Variants in TTC28 observed in about 807,000 individuals in gnomAD.
TTC28 encodes tetratricopeptide repeat domain 28, also known as tetratricopeptide repeat protein 28.
TTC28 carries 61 observed loss-of-function variants against 198.0 expected under a neutral mutation model. The observed-to-expected ratio is 0.31, with a 90% confidence interval of 0.25 to 0.38. The LOEUF is 0.38. Ranked by LOEUF, TTC28 falls within the 10% of genes least tolerant of loss-of-function variation. The pLI, the probability that TTC28 is intolerant of heterozygous loss-of-function variation, is 1.00. For missense variants in TTC28, 2,678 were observed against 3,164.0 expected, an observed-to-expected ratio of 0.85 and a Z score of 3.69; for synonymous variants, 1,171 against 1,297.8, an observed-to-expected ratio of 0.90 and a Z score of 2.10.
At chr22:28,134,103 C>T (rs1465576625) in intron 6 of TTC28, among the ~76,000 whole-genome samples, 1 of 152,238 alleles carries the variant, frequency 6.6e-6, no homozygotes, top group Non-Finnish European at 1.5e-5. Context: ...CAAACAGGGT[C>T]TGGAGTGGAC....
chr22:28,294,980 T>G (rs767927856), intron 5 of TTC28, among the ~76,000 whole-genome samples: 1 of 152,232 alleles, frequency 6.6e-6, no homozygotes, highest in Non-Finnish European at 1.5e-5. Context: ...TTAGTATATC[T>G]GTCTCTAGGA....
chr22:28,596,806 C>T (rs2050550453), intron 2 of TTC28, among the ~76,000 whole-genome samples: 1 of 152,136 alleles, frequency 6.6e-6, no homozygotes, highest in South Asian at 2.1e-4. Context: ...GAGTGCCAGA[C>T]AGACATCTGG....
At chr22:28,587,130 G>A (rs2050333160) in intron 2 of TTC28, among the ~76,000 whole-genome samples, 1 of 152,142 alleles carries the variant, frequency 6.6e-6, no homozygotes, top group Non-Finnish European at 1.5e-5. Context: ...GCCGAGGCAG[G>A]TGGATCATTT....
At chr22:28,015,732 G>GCTTTACAC (rs1938344324) in intron 13 of TTC28, among the ~76,000 whole-genome samples, 1 of 151,868 alleles carries the variant, frequency 6.6e-6, no homozygotes. Context: ...CACCATCAGT[G>GCTTTACAC]ATCTCTTAAC....
At chr22:28,334,401 G>C (rs1368809358) in intron 2 of TTC28, among the ~76,000 whole-genome samples, 1 of 152,106 alleles carries the variant, frequency 6.6e-6, no homozygotes, top group African/African-American at 2.4e-5. Flanking sequence ...GGTATTTCTA[G>C]TTCTAGATCC....
intron 5 of TTC28, among the ~76,000 whole-genome samples, chr22:28,267,818 T>C (rs2147317198): frequency 6.6e-6 from 1 of 152,288 alleles, no homozygotes; most frequent in South Asian, 2.1e-4. Flanking sequence ...TTTGCTCAAG[T>C]GTTCAGTAAT....
chr22:28,251,803 A>G (rs911289309), intron 5 of TTC28, among the ~76,000 whole-genome samples: 2 of 152,190 alleles, frequency 1.3e-5, no homozygotes, highest in African/African-American at 4.8e-5. Context: ...CTCTCCATTA[A>G]AAAGGATCCT....
At chr22:28,441,887 T>TAA (rs979638590) in intron 2 of TTC28, among the ~76,000 whole-genome samples, 7,274 of 119,010 alleles carry the variant, frequency 0.061, 314 homozygotes, top group African/African-American at 0.13. Context: ...ATTTGAAGTT[T>TAA]AAAAAAAAAA....
intron 13 of TTC28, among the ~76,000 whole-genome samples, chr22:28,025,713 T>A (rs561167405): frequency 4.6e-5 from 7 of 152,048 alleles, no homozygotes; most frequent in Admixed American, 2.0e-4. Context: ...AAAAATAATT[T>A]AAAAAAATTA....
At chr22:28,062,601 T>C (rs1239584637) in intron 12 of TTC28, among the ~76,000 whole-genome samples, 1 of 152,070 alleles carries the variant, frequency 6.6e-6, no homozygotes, top group Admixed American at 6.5e-5. Context: ...CCCAAGAAGC[T>C]GAGAATGCAG....
chr22:28,105,571 G>GC lies in TTC28; in HGVS notation c.3014dup (p.Val1006ArgfsTer9), dbSNP rs1942270896. On this transcript the variant is annotated frameshift_variant, in exon 8 of 23. Coordinates refer to ENST00000397906, the MANE Select transcript of TTC28 (RefSeq NM_001145418.2). LOFTEE classifies it high-confidence loss of function. ...CATACTCCCCCATCTGCTGGTAAAC[G>GC]CCCCCCAGGCCACAGGCTGCGTCAC... 1.3e-6 allele frequency: 2 copies of GC among 1,551,662 alleles called. No individual in the cohort carries two copies. Among genetic ancestry groups the GC allele is most frequent in the Non-Finnish European group, 8.7e-7 (1 of 1,147,006 alleles).
chr22:28,415,110 C>G (rs940573721), intron 2 of TTC28, among the ~76,000 whole-genome samples: 13 of 152,006 alleles, frequency 8.6e-5, no homozygotes, highest in Admixed American at 2.0e-4. Flanking sequence ...GAAAGTGGCT[C>G]TGAGATCACA....
At chr22:28,060,623 G>A (rs1377749302) in intron 12 of TTC28, among the ~76,000 whole-genome samples, 1 of 152,196 alleles carries the variant, frequency 6.6e-6, no homozygotes, top group Non-Finnish European at 1.5e-5. Flanking sequence ...GTAATGGGAT[G>A]GCTGGGTCAA....
intron 5 of TTC28, among the ~76,000 whole-genome samples, chr22:28,247,320 G>A (rs982865508): frequency 6.6e-6 from 1 of 152,172 alleles, no homozygotes; most frequent in African/African-American, 2.4e-5. Flanking sequence ...CTCATGGTGT[G>A]GGTGTGTAAG....
chr22:28,494,275 C>G (rs1336366202), intron 2 of TTC28, among the ~76,000 whole-genome samples: 1 of 152,176 alleles, frequency 6.6e-6, no homozygotes, highest in Admixed American at 6.5e-5. Context: ...CAAGGATCAT[C>G]TGACATTTGA....
intron 5 of TTC28, among the ~76,000 whole-genome samples, chr22:28,193,881 G>A (rs1373159233): frequency 6.6e-6 from 1 of 152,096 alleles, no homozygotes; most frequent in Non-Finnish European, 1.5e-5. Context: ...ACATCAACGA[G>A]ACAGAAAGTT....
intron 5 of TTC28, among the ~76,000 whole-genome samples, chr22:28,167,712 T>C (rs1175667355): frequency 1.3e-5 from 2 of 152,228 alleles, no homozygotes; most frequent in African/African-American, 4.8e-5. Flanking sequence ...ACAGCCAATA[T>C]CATACTGAAT....
chr22:28,273,555 T>G (rs1378660092), intron 5 of TTC28, among the ~76,000 whole-genome samples: 1 of 151,190 alleles, frequency 6.6e-6, no homozygotes, highest in Non-Finnish European at 1.5e-5. Context: ...AAATCTAAGC[T>G]GAAAGACAGA....
intron 2 of TTC28, among the ~76,000 whole-genome samples, chr22:28,329,586 G>A (rs1355019959): frequency 6.6e-6 from 1 of 152,134 alleles, no homozygotes; most frequent in Non-Finnish European, 1.5e-5. Context: ...CTTTACAGTT[G>A]TCCTAACAGG....
Sources: allele counts gnomAD v4.1 joint callset (sites outside exome capture counted in the v4.1 genomes callset), GRCh38; gene constraint gnomAD v4.1.1; transcripts MANE v1.5; gene names NCBI Gene and HGNC (gene_info 2026-07-23, HGNC 2026-07-21).